PSMD14: variants seen among roughly 807,000 people sequenced by gnomAD.
The protein encoded by PSMD14 is ubiquitin C-terminal hydrolase PSMD14.
A neutral mutation model predicts 41.2 loss-of-function variants in PSMD14; 7 were observed. That is an observed-to-expected ratio of 0.17 (90% CI 0.10 to 0.32). The LOEUF (loss-of-function observed/expected upper bound fraction) is 0.32, where lower values mean the gene tolerates loss of function less well. PSMD14 is among the 10% of genes least tolerant of loss of function. The pLI is 1.00. For missense variants in PSMD14, 139 were observed against 375.6 expected (o/e 0.37, Z 5.21); for synonymous variants, 114 against 122.3 (o/e 0.93, Z 0.45).
chr2:161,407,809 C>G (rs1489999640), intron 10 of PSMD14: 1 of 152,034 alleles, frequency 6.6e-6, no homozygotes, highest in Non-Finnish European at 1.5e-5. Flanking sequence ...GTTGGCATTT[C>G]TTAAGGTTAG....
At chr2:161,334,202 G>A (rs1181517133) in intron 3 of PSMD14, among the ~76,000 whole-genome samples, 1 of 152,090 alleles carries the variant, frequency 6.6e-6, no homozygotes. Context: ...TGGGTATGGT[G>A]TTGCATGCCT....
At chr2:161,348,785 A>G (rs915171119) in intron 3 of PSMD14, among the ~76,000 whole-genome samples, 3 of 152,194 alleles carry the variant, frequency 2.0e-5, no homozygotes, top group African/African-American at 7.2e-5. Context: ...AGGAGCTTCA[A>G]CCCAGCTGCT....
intron 11 of PSMD14, among the ~76,000 whole-genome samples, 199 bp downstream of exon 11, chr2:161,409,098 AAG>A (rs1463451018): frequency 6.6e-6 from 1 of 152,114 alleles, no homozygotes; most frequent in Non-Finnish European, 1.5e-5. Flanking sequence ...ACAAATACCT[AAG>A]AGATATTATC....
intron 8 of PSMD14, among the ~76,000 whole-genome samples, chr2:161,386,069 T>G (rs1683631720): frequency 6.6e-6 from 1 of 151,838 alleles, no homozygotes; most frequent in Non-Finnish European, 1.5e-5. Flanking sequence ...ATGTTACTTG[T>G]GATGAGAGTT....
chr2:161,383,794 A>G (rs1683599793), intron 7 of PSMD14: 1 of 151,578 alleles, frequency 6.6e-6, no homozygotes, highest in Non-Finnish European at 1.5e-5. Context: ...TTATATACCT[A>G]TCTTGGAAAA....
At chr2:161,391,454 C>CT (rs1467003431) in intron 9 of PSMD14, among the ~76,000 whole-genome samples, 2 of 152,016 alleles carry the variant, frequency 1.3e-5, no homozygotes, top group African/African-American at 2.4e-5. Context: ...AAAAATATTT[C>CT]TTTTAGTTCT....
At chr2:161,384,871 T>A (rs1683614239) in intron 7 of PSMD14, 1 of 151,868 alleles carries the variant, frequency 6.6e-6, no homozygotes, top group African/African-American at 2.4e-5. Flanking sequence ...CTTGGTTTTC[T>A]TATATTGTGC....
At chr2:161,383,822 C>T (rs1683599997) in intron 7 of PSMD14, 1 of 151,518 alleles carries the variant, frequency 6.6e-6, no homozygotes, top group African/African-American at 2.4e-5. Flanking sequence ...CTTCTTCCTC[C>T]TTTGCCAACA....
chr2:161,342,619 C>CTT (rs879665409), intron 3 of PSMD14, among the ~76,000 whole-genome samples: 1 of 143,108 alleles, frequency 7.0e-6, no homozygotes, highest in Non-Finnish European at 1.5e-5. Context: ...TTGTGTTTTG[C>CTT]TTTTTTTTTT....
chr2:161,324,171 T>C (rs1392882639), intron 3 of PSMD14, among the ~76,000 whole-genome samples: 2 of 152,218 alleles, frequency 1.3e-5, no homozygotes, highest in African/African-American at 4.8e-5. Flanking sequence ...AAGTCAATAT[T>C]TTGAGTTTCT....
intron 3 of PSMD14, among the ~76,000 whole-genome samples, chr2:161,346,998 C>G (rs909078932): frequency 6.6e-6 from 1 of 152,056 alleles, no homozygotes; most frequent in South Asian, 2.1e-4. Flanking sequence ...GTACTCTGTC[C>G]AGATTACGAG....
chr2:161,371,366 G>GT (rs1207021609), intron 7 of PSMD14, 44 bp downstream of exon 7: 1 of 1,540,562 alleles, frequency 6.5e-7, no homozygotes, highest in African/African-American at 1.4e-5. Flanking sequence ...GCCACATTCT[G>GT]TTTACAGATA....
intron 8 of PSMD14, among the ~76,000 whole-genome samples, chr2:161,389,807 G>C (rs549146704): frequency 1.3e-5 from 2 of 150,560 alleles, no homozygotes; most frequent in Non-Finnish European, 3.0e-5. Context: ...GAATGACCTA[G>C]GTTCAGATCC....
intron 10 of PSMD14, 104 bp from the exon 11 acceptor site, chr2:161,408,733 T>C: frequency 2.6e-6 from 2 of 783,404 alleles, no homozygotes; most frequent in Non-Finnish European, 4.1e-6. Flanking sequence ...TGAATAAAAG[T>C]TGTATGAATG....
chr2:161,313,886 A>G (rs1159761860), intron 1 of PSMD14, among the ~76,000 whole-genome samples: 1 of 152,122 alleles, frequency 6.6e-6, no homozygotes, highest in Non-Finnish European at 1.5e-5. Context: ...GTATGTGAAA[A>G]TATGCATCAC....
chr2:161,341,092 C>T, intron 3 of PSMD14: 2 of 1,517,510 alleles, frequency 1.3e-6, no homozygotes, highest in South Asian at 2.4e-5. Flanking sequence ...TCCCCCAGCC[C>T]CGCGGGCTCT....
At chr2:161,347,972 A>G (rs1214267212) in intron 3 of PSMD14, among the ~76,000 whole-genome samples, 1 of 152,222 alleles carries the variant, frequency 6.6e-6, no homozygotes, top group African/African-American at 2.4e-5. Context: ...GGTATTAGTC[A>G]ATTATGTGAG....
chr2:161,308,889 TTGTC>T (rs1689056233), intron 1 of PSMD14: 2 of 152,242 alleles, frequency 1.3e-5, no homozygotes, highest in African/African-American at 4.8e-5. Context: ...TATGGCCTGT[TTGTC>T]TGTGCTCTAT....
chr2:161,336,046 G>A (rs568454087), intron 3 of PSMD14, among the ~76,000 whole-genome samples: 62 of 152,184 alleles, frequency 4.1e-4, no homozygotes, highest in Non-Finnish European at 6.8e-4. Flanking sequence ...TAAGCCTAGA[G>A]GCGTATGTTT....
Sources: allele counts gnomAD v4.1 joint callset (sites outside exome capture counted in the v4.1 genomes callset), GRCh38; gene constraint gnomAD v4.1.1; transcripts MANE v1.5; gene names NCBI Gene and HGNC (gene_info 2026-07-23, HGNC 2026-07-21).